Variants in CCDC192 observed in about 807,000 individuals in gnomAD.
CCDC192 encodes coiled-coil domain-containing protein 192.
chr5:127,921,982 T>C (rs527435251), intron 6 of CCDC192, among the ~76,000 whole-genome samples: 16 of 152,382 alleles, frequency 1.0e-4, no homozygotes, highest in African/African-American at 3.6e-4. Flanking sequence ...CCTATTTTGT[T>C]TGATGTTAAA....
rs544648958 is a variant in CCDC192 at position 127,832,129 on chromosome 5, G to T, written c.411+33967G>T. On this transcript the variant is annotated intron_variant, in intron 5 of 6. Coordinates refer to ENST00000514853, the MANE Select transcript of CCDC192 (RefSeq NM_001317938.2). ...CAAAAGTTACAAATAAAACTGAATA[G>T]CTAGTAAATACATGAAAATATCTTT... is the stretch of plus-strand genomic sequence containing the variant. Among the ~76,000 whole-genome samples, 142 of 152,222 alleles carry T rather than the reference G, an allele frequency of 9.3e-4. 2 individuals carry two copies. The highest frequency in any genetic ancestry group is 3.2e-3 in the African/African-American group (132 of 41,536).
intron 1 of CCDC192, among the ~76,000 whole-genome samples, chr5:127,707,199 A>G (rs1751018333): frequency 6.6e-6 from 1 of 152,222 alleles, no homozygotes; most frequent in African/African-American, 2.4e-5. Context: ...GTTTTGCTGT[A>G]ACCTGAATAG....
At chr5:127,886,696 T>C (rs1033501488) in intron 6 of CCDC192, among the ~76,000 whole-genome samples, 1 of 152,218 alleles carries the variant, frequency 6.6e-6, no homozygotes, top group Non-Finnish European at 1.5e-5. Context: ...GTAAAGCTTC[T>C]AGTCAACAGC....
intron 5 of CCDC192, among the ~76,000 whole-genome samples, chr5:127,846,455 T>C (rs1179591715): frequency 6.6e-6 from 1 of 152,030 alleles, no homozygotes; most frequent in Non-Finnish European, 1.5e-5. Context: ...TTCTTTGTAG[T>C]GCCTATTTTA....
chr5:127,850,981 C>CAACA lies in CCDC192; in HGVS notation c.412-24546_412-24543dup, dbSNP rs370271263. On this transcript the variant is annotated intron_variant, in intron 5 of 6. Transcript: ENST00000514853. The stretch of plus-strand genomic sequence containing the variant: ...ACTCCATCTTGAAAAACAACAACAA[C>CAACA]AACAAACAAACAAAGCATCAGAAGC... Among the ~76,000 whole-genome samples the CAACA allele has an allele frequency of 2.4e-3, 360 of 152,148 alleles. 1 individual carries two copies. Among genetic ancestry groups the CAACA allele is most frequent in the African/African-American group, 8.0e-3 (331 of 41,524 alleles).
intron 3 of CCDC192, among the ~76,000 whole-genome samples, chr5:127,793,362 C>CA (rs1756990448): frequency 6.6e-6 from 1 of 152,014 alleles, no homozygotes; most frequent in Admixed American, 6.6e-5. Flanking sequence ...TAAAAGGAAG[C>CA]AAGATGGTGG....
chr5:127,765,003 T>A (rs1369878921), intron 3 of CCDC192, among the ~76,000 whole-genome samples: 1 of 152,136 alleles, frequency 6.6e-6, no homozygotes, highest in Admixed American at 6.5e-5. Flanking sequence ...AAGTCTGGAG[T>A]TACACCAATG....
At chr5:127,828,195 C>G (rs1020408339) in intron 5 of CCDC192, among the ~76,000 whole-genome samples, 2 of 152,224 alleles carry the variant, frequency 1.3e-5, no homozygotes, top group South Asian at 4.1e-4. Context: ...GCATGAGCCA[C>G]CACGCCTGGC....
chr5:127,863,865 A>G (rs1362328980), intron 5 of CCDC192, among the ~76,000 whole-genome samples: 1 of 152,198 alleles, frequency 6.6e-6, no homozygotes, highest in African/African-American at 2.4e-5. Context: ...ACGCATAAAA[A>G]CTGAGCAAAA....
intron 3 of CCDC192, chr5:127,785,225 A>G (rs930988926): frequency 2.0e-4 from 102 of 520,008 alleles, no homozygotes; most frequent in Middle Eastern, 4.9e-4. Flanking sequence ...CCACTGTGAC[A>G]GCTGGCATAG....
chr5:127,908,574 GA>G (rs1753262052), intron 6 of CCDC192, among the ~76,000 whole-genome samples: 1 of 152,166 alleles, frequency 6.6e-6, no homozygotes, highest in Non-Finnish European at 1.5e-5. Flanking sequence ...ACATGCTCAA[GA>G]AAAACTTAAA....
intron 5 of CCDC192, among the ~76,000 whole-genome samples, chr5:127,871,766 T>A (rs1349035661): frequency 2.6e-5 from 4 of 152,366 alleles, no homozygotes; most frequent in East Asian, 3.9e-4. Flanking sequence ...ATGCAAGCCA[T>A]TCAGCAATAT....
chr5:127,877,113 CT>C (rs1397961836), intron 6 of CCDC192, among the ~76,000 whole-genome samples: 16 of 152,158 alleles, frequency 1.1e-4, no homozygotes, highest in Admixed American at 1.0e-3. Context: ...AAGCTTTCAA[CT>C]TTTCAATTGC....
intron 6 of CCDC192, among the ~76,000 whole-genome samples, chr5:127,917,687 G>T (rs1051127496): frequency 2.0e-5 from 3 of 152,108 alleles, no homozygotes; most frequent in African/African-American, 7.2e-5. Context: ...TCTTATATGG[G>T]TGCAGTTCAT....
chr5:127,854,942 C>T (rs2127092213), intron 5 of CCDC192, among the ~76,000 whole-genome samples: 1 of 152,280 alleles, frequency 6.6e-6, no homozygotes, highest in East Asian at 1.9e-4. Context: ...ACTTTTATAA[C>T]AACCTTTATA....
chr5:127,835,677 A>G (rs1750003757), intron 5 of CCDC192, among the ~76,000 whole-genome samples: 1 of 152,172 alleles, frequency 6.6e-6, no homozygotes, highest in Non-Finnish European at 1.5e-5. Context: ...CATGTCTTTC[A>G]TGGTGGCAGG....
At chr5:127,864,499 C>A (rs1751515485) in intron 5 of CCDC192, among the ~76,000 whole-genome samples, 1 of 152,154 alleles carries the variant, frequency 6.6e-6, no homozygotes, top group Non-Finnish European at 1.5e-5. Flanking sequence ...CTTTTCTGTG[C>A]TAGATTTGTA....
chr5:127,798,240 T>C (rs1757285400), intron 5 of CCDC192, 78 bp downstream of exon 5: 1 of 396,444 alleles, frequency 2.5e-6, no homozygotes, highest in South Asian at 1.3e-4. Flanking sequence ...TGGAAAGAAG[T>C]TATAAATGAG....
Position 127,703,525 on chromosome 5 carries a change from C to G in CCDC192, c.62+18C>G, listed in dbSNP as rs1383379641. On this transcript the variant is annotated intron_variant, in intron 1 of 6. Transcript: ENST00000514853. ...AGAAGCAGGTGAGTTCCCAGCTCCT[C>G]TCATCCCAAAATAATTCATGGGAAT... 2 of 398,668 alleles carry G rather than the reference C, an allele frequency of 5.0e-6. No individual in the cohort carries two copies. Among genetic ancestry groups the G allele is most frequent in the Non-Finnish European group, 8.9e-6 (2 of 225,972 alleles). 24.7% of individuals were successfully genotyped at this position (398,668 alleles called of 1,614,324 possible). A position where few individuals can be genotyped will look rare whatever the true frequency, so the allele number is the denominator to read the frequency against.
Sources: gnomAD v4.1 joint callset for allele counts (sites outside exome capture counted in the v4.1 genomes callset) on GRCh38, gnomAD v4.1.1 for gene constraint, MANE v1.5 for transcripts, NCBI Gene and HGNC (gene_info 2026-07-23, HGNC 2026-07-21) for gene names.